The following DNAJB6 variants were observed in gnomAD, a reference collection of about 807,000 sequenced individuals.
DNAJB6 encodes dnaJ homolog subfamily B member 6.
Under a neutral mutation model 42.7 loss-of-function variants are expected in DNAJB6, and 16 were observed. The observed-to-expected ratio is 0.37, with a 90% CI of 0.25 to 0.57. The LOEUF (loss-of-function observed/expected upper bound fraction) is 0.57. Ranked by LOEUF, DNAJB6 falls within the 20% of genes least tolerant of loss-of-function variation. The probability of loss-of-function intolerance (pLI) is 0.74; values close to 1 mark genes in which losing one functional copy is unlikely to be tolerated. For synonymous variants in DNAJB6, 170 were observed against 163.5 expected (o/e 1.04, Z -0.30); for missense variants, 347 against 416.8 (o/e 0.83, Z 1.46).
chr7:157,391,699 C>T (rs943738342), intron 8 of DNAJB6, among the ~76,000 whole-genome samples: 1 of 152,214 alleles, frequency 6.6e-6, no homozygotes, highest in African/African-American at 2.4e-5. Context: ...ATGTCCTTTT[C>T]CACATAATAT....
At chr7:157,360,761 A>G (rs138289984) in intron 2 of DNAJB6, among the ~76,000 whole-genome samples, 2 of 152,234 alleles carry the variant, frequency 1.3e-5, no homozygotes, top group African/African-American at 2.4e-5. Context: ...TTGAAGACTT[A>G]AAGGTCTGTG....
chr7:157,370,916 G>A lies in DNAJB6; in HGVS notation c.346+3433G>A, dbSNP rs112316103. The A allele has an allele frequency of 1.9e-3, 286 of 152,702 alleles. 1 individual carries two copies. Among genetic ancestry groups the A allele is most frequent in the East Asian group, 9.4e-3 (49 of 5,188 alleles). The allele number at this position is 152,702 out of a possible 1,614,324, so 9.5% of individuals were successfully genotyped here. On this transcript the variant is annotated intron_variant, in intron 5 of 9. Transcript: ENST00000262177. ...TGGATGCAGAGCCAGAGGGATTTCC[G>A]CTTATTCATGATGTAGTTCAGGGGT... is the stretch of plus-strand genomic sequence containing the variant.
At chr7:157,400,397 T>C (rs918850909) in intron 8 of DNAJB6, among the ~76,000 whole-genome samples, 6 of 70,032 alleles carry the variant, frequency 8.6e-5, no homozygotes, top group African/African-American at 1.7e-4. Context: ...ATGCTTGCTG[T>C]GCAGCAGGCC....
At chr7:157,385,495 C>T (rs949847518) in intron 7 of DNAJB6, 46 bp from the exon 8 acceptor site, 2 of 1,588,378 alleles carry the variant, frequency 1.3e-6, no homozygotes, top group Admixed American at 1.7e-5. Context: ...CTCACACATG[C>T]ATTTTCTTTA....
intron 1 of DNAJB6, among the ~76,000 whole-genome samples, chr7:157,342,220 T>G (rs1387996087): frequency 1.3e-5 from 2 of 151,836 alleles, no homozygotes; most frequent in Non-Finnish European, 2.9e-5. Flanking sequence ...CAGACTGGAG[T>G]GCAGTGGCGT....
At chr7:157,360,691 T>G (rs1799539924) in intron 2 of DNAJB6, among the ~76,000 whole-genome samples, 1 of 152,206 alleles carries the variant, frequency 6.6e-6, no homozygotes, top group African/African-American at 2.4e-5. Context: ...ATGATAGCTA[T>G]GGGGGCGTGC....
chr7:157,359,339 A>C (rs532313292), intron 2 of DNAJB6, among the ~76,000 whole-genome samples: 1 of 152,328 alleles, frequency 6.6e-6, no homozygotes, highest in East Asian at 1.9e-4. Context: ...CTGAAGATAG[A>C]ATTAACTTTT....
chr7:157,351,651 AC>A (rs1008493794), intron 1 of DNAJB6, among the ~76,000 whole-genome samples: 167 of 112,768 alleles, frequency 1.5e-3, no homozygotes, highest in African/African-American at 4.5e-3. Flanking sequence ...AACAACAACA[AC>A]AACAACAACA....
At chr7:157,389,124 G>A (rs369063240) in intron 8 of DNAJB6, among the ~76,000 whole-genome samples, 2 of 152,284 alleles carry the variant, frequency 1.3e-5, no homozygotes, top group African/African-American at 4.8e-5. Flanking sequence ...ATGTGGAAAC[G>A]CTTGAGGAAC....
chr7:157,339,601 TTGTGTGTGTGTGTGTGTGTGTGTG>T (rs59577692), intron 1 of DNAJB6, among the ~76,000 whole-genome samples: 1 of 122,324 alleles, frequency 8.2e-6, no homozygotes, highest in Non-Finnish European at 1.7e-5. Flanking sequence ...GCCCGGCCTT[TTGTGTGTGTGTGTGTGTGTGTGTG>T]TGTGTGTGTG....
chr7:157,392,839 T>A (rs1801412919), intron 8 of DNAJB6, among the ~76,000 whole-genome samples: 1 of 152,226 alleles, frequency 6.6e-6, no homozygotes, highest in African/African-American at 2.4e-5. Flanking sequence ...GCACATTTCC[T>A]CATTGTATCA....
At chr7:157,378,170 C>A (rs1350422091) in intron 5 of DNAJB6, 1 of 152,214 alleles carries the variant, frequency 6.6e-6, no homozygotes, top group Non-Finnish European at 1.5e-5. Context: ...TGGACACAGC[C>A]ACTTTCTTCC....
At chr7:157,350,373 C>T (rs77155194) in intron 1 of DNAJB6, among the ~76,000 whole-genome samples, 2,684 of 152,194 alleles carry the variant, frequency 0.018, 45 homozygotes, top group Non-Finnish European at 0.029. Context: ...GGTAACTATG[C>T]GGAAGAGAAA....
Position 157,388,287 on chromosome 7 carries a change from C to G in DNAJB6, c.691+2676C>G, listed in dbSNP as rs141525260. ...CCGTTAAGTTTATTCCTAGAGAATT[C>G]AGTCTAAGGGTGCATGAGAGTACCT... is the stretch of plus-strand genomic sequence containing the variant. On this transcript the variant is annotated intron_variant, in intron 8 of 9. Coordinates refer to ENST00000262177, the MANE Select transcript of DNAJB6 (RefSeq NM_058246.4). Among the ~76,000 whole-genome samples the G allele has an allele frequency of 2.0e-3, 308 of 152,332 alleles. 6 individuals carry two copies. Among genetic ancestry groups the G allele is most frequent in the Admixed American group, 0.018 (276 of 15,302 alleles).
chr7:157,405,620 G>A (rs1457378768), intron 8 of DNAJB6, among the ~76,000 whole-genome samples: 1 of 152,218 alleles, frequency 6.6e-6, no homozygotes, highest in Non-Finnish European at 1.5e-5. Flanking sequence ...TGTCTGGAGA[G>A]CCTGTCATGG....
At chr7:157,339,369 C>T (rs1798224716) in intron 1 of DNAJB6, among the ~76,000 whole-genome samples, 1 of 142,222 alleles carries the variant, frequency 7.0e-6, no homozygotes, top group African/African-American at 2.6e-5. Flanking sequence ...GCGATCTCGG[C>T]TCACTGCAAG....
At chr7:157,358,175 A>C (rs1303054485) in intron 1 of DNAJB6, among the ~76,000 whole-genome samples, 1 of 152,182 alleles carries the variant, frequency 6.6e-6, no homozygotes, top group Non-Finnish European at 1.5e-5. Flanking sequence ...GAATGCATTG[A>C]ATGAAAGAGG....
At chr7:157,355,483 G>A (rs1402363960) in intron 1 of DNAJB6, among the ~76,000 whole-genome samples, 3 of 152,174 alleles carry the variant, frequency 2.0e-5, no homozygotes, top group Non-Finnish European at 2.9e-5. Flanking sequence ...TTTCTTCAGC[G>A]GGCCAGTGGA....
chr7:157,340,727 AG>A, intron 1 of DNAJB6, among the ~76,000 whole-genome samples: 1 of 151,652 alleles, frequency 6.6e-6, no homozygotes, highest in East Asian at 2.0e-4. Flanking sequence ...CCCAGGCTGG[AG>A]TGCAGTGGCG....
Sources: allele counts gnomAD v4.1 joint callset (sites outside exome capture counted in the v4.1 genomes callset), GRCh38; gene constraint gnomAD v4.1.1; transcripts MANE v1.5; gene names NCBI Gene and HGNC (gene_info 2026-07-23, HGNC 2026-07-21).